The following IGSF9B variants were observed in gnomAD, a reference collection of about 807,000 sequenced individuals.
IGSF9B encodes the protein immunoglobulin superfamily member 9B.
Under a neutral mutation model 143.7 loss-of-function variants are expected in IGSF9B, and 48 were observed. That is an observed-to-expected ratio of 0.33 (90% CI 0.26 to 0.42). IGSF9B has a LOEUF of 0.42. IGSF9B is among the 20% of genes least tolerant of loss of function. The probability of loss-of-function intolerance (pLI) is 1.00; values close to 1 mark genes in which losing one functional copy is unlikely to be tolerated. For synonymous variants in IGSF9B, 903 were observed against 833.1 expected, an observed-to-expected ratio of 1.08 and a Z score of -1.44; for missense variants, 1,706 against 1,980.0, an observed-to-expected ratio of 0.86 and a Z score of 2.63.
At chr11:133,914,137 T>G (rs1371078532) in intron 18 of IGSF9B, among the ~76,000 whole-genome samples, 1 of 152,190 alleles carries the variant, frequency 6.6e-6, no homozygotes, top group Admixed American at 6.5e-5. Flanking sequence ...GATTTACCAC[T>G]TACCACAGCA....
Position 133,939,759 on chromosome 11 carries a change from T to C in IGSF9B, c.410-1798A>G, listed in dbSNP as rs565461896. ...ACCTCGCACGTCCTTGCACGCGTCA[T>C]CGCACACAGAAACACACACCTCGCC... On this transcript the variant is annotated intron_variant, in intron 3 of 19. Transcript: ENST00000533871. Among the ~76,000 whole-genome samples, 8 of 151,882 alleles carry C rather than the reference T, an allele frequency of 5.3e-5. No homozygotes were observed. In the East Asian group the frequency reaches 1.4e-3, roughly 26 times the overall value.
intron 15 of IGSF9B, among the ~76,000 whole-genome samples, chr11:133,922,995 A>G (rs952110099): frequency 6.6e-6 from 1 of 152,240 alleles, no homozygotes; most frequent in Non-Finnish European, 1.5e-5. Flanking sequence ...TGACTTCAAG[A>G]GTAATCTATA....
intron 18 of IGSF9B, 185 bp from the exon 19 acceptor site, chr11:133,912,192 G>A (rs1342540504): frequency 2.9e-5 from 22 of 768,702 alleles, no homozygotes; most frequent in Non-Finnish European, 4.4e-5. Context: ...AGAAAACCCA[G>A]TAGAAAGCTC....
rs1424425944 is a variant in IGSF9B, at chr11:133,931,995, A to C, written c.1110+76T>G. ...GAAGGGGCCAGGAGTCCTGGCAGAA[A>C]TCCAGAGCCCAGAGGTGGCATCACA... On this transcript the variant is annotated intron_variant, in intron 8 of 19. Coordinates refer to ENST00000533871, the MANE Select transcript of IGSF9B (RefSeq NM_001277285.4). The surrounding 1 kb of genome is among the most constrained non-coding windows in gnomAD (Gnocchi z 7.7). The C allele has an allele frequency of 2.4e-5, 37 of 1,543,756 alleles. No individual in the cohort carries two copies. In the East Asian group the frequency reaches 7.9e-4, roughly 33 times the overall value.
chr11:133,949,791 C>T (rs780270317), intron 1 of IGSF9B, among the ~76,000 whole-genome samples: 3 of 151,936 alleles, frequency 2.0e-5, no homozygotes, highest in Non-Finnish European at 4.4e-5. Context: ...TGTGCTGAGC[C>T]CCTCTCCATC....
rs755660002 is a variant in IGSF9B at position 133,937,976 on chromosome 11, A to C, written c.410-15T>G. ...GGTGGGAGGGGCTGCAAAGGAGACC[A>C]CAAAGATGAAGGACACGCCATCAGC... On this transcript the variant is annotated splice_polypyrimidine_tract_variant and intron_variant, in intron 3 of 19. Transcript: ENST00000533871. 4 of 1,612,604 alleles carry C rather than the reference A, an allele frequency of 2.5e-6. No individual in the cohort carries two copies. In the Admixed American group the frequency reaches 5.0e-5, roughly 20 times the overall value.
chr11:133,943,431 G>C (rs1185720781), intron 3 of IGSF9B, among the ~76,000 whole-genome samples: 1 of 152,070 alleles, frequency 6.6e-6, no homozygotes, highest in Non-Finnish European at 1.5e-5. Context: ...ACACAAAGAG[G>C]AGACTCTCCC....
Position 133,936,414 on chromosome 11 carries a change from C to G in IGSF9B, c.680-220G>C, listed in dbSNP as rs559162545. On this transcript the variant is annotated intron_variant, in intron 5 of 19. Coordinates refer to ENST00000533871, the MANE Select transcript of IGSF9B (RefSeq NM_001277285.4). ...CCCAGACCAGCCGCCACGCACACCC[C>G]CTTCCTGCCTGCCTTCTCCCAGCAG... is the stretch of plus-strand genomic sequence containing the variant. Among the ~76,000 whole-genome samples the G allele has an allele frequency of 1.1e-4, 16 of 152,080 alleles. No homozygotes were observed. In the East Asian group the frequency reaches 2.9e-3, roughly 28 times the overall value.
chr11:133,920,009 A>G lies in IGSF9B; in HGVS notation c.3716T>C (p.Leu1239Pro), dbSNP rs747036872. 2 of 1,584,266 alleles carry G rather than the reference A, an allele frequency of 1.3e-6. No individual in the cohort carries two copies. The highest frequency in any genetic ancestry group is 1.4e-5 in the African/African-American group (1 of 73,616). The change falls in exon 18 of 20, where the codon CTG (leucine) becomes CCG (proline). Residue 1239 changes from leucine to proline, a missense_variant. Physicochemically the swap from Leu to Pro is moderately conservative, Grantham distance 98. This residue lies in a region of IGSF9B where 880 missense variants were observed against 762.9 expected (regional missense o/e 1.15). Transcript: ENST00000533871. ...AAAGCTGACTGCAGCCGGCGGCTGCAGGGTGATCTCTGACATCTCTGCCTG... is the reference window on the plus strand; with the variant it reads ...AAAGCTGACTGCAGCCGGCGGCTGCGGGGTGATCTCTGACATCTCTGCCTG... The part of the protein sequence containing the change: ...LQQAEMSEIT[L>P]QPPAAVSFSR...
At chr11:133,917,500 G>A (rs1939410212) in intron 18 of IGSF9B, among the ~76,000 whole-genome samples, 1 of 152,038 alleles carries the variant, frequency 6.6e-6, no homozygotes, top group Non-Finnish European at 1.5e-5. Context: ...TTTCCCTACA[G>A]CATGACCCAG....
At chr11:133,911,222 G>A (rs1939296657) in intron 19 of IGSF9B, among the ~76,000 whole-genome samples, 1 of 152,184 alleles carries the variant, frequency 6.6e-6, no homozygotes, top group African/African-American at 2.4e-5. Flanking sequence ...TCCTTAAGAG[G>A]GCTAAATTCG....
In IGSF9B at chr11:133,902,924, T is replaced by C. The variant is rs975541874; in HGVS notation, c.*6145A>G. Among the ~76,000 whole-genome samples the C allele has an allele frequency of 2.6e-5, 4 of 152,078 alleles. No individual in the cohort carries two copies. Among genetic ancestry groups the C allele is most frequent in the African/African-American group, 9.7e-5 (4 of 41,404 alleles). On this transcript the variant is annotated 3_prime_UTR_variant, in exon 20 of 20. Transcript: ENST00000533871. ...CACCAGCGTGAGGAGGGCTGGGCACTCGCCCCTCCCATGGCTTATATGAAA... is the reference window on the plus strand; with the variant it reads ...CACCAGCGTGAGGAGGGCTGGGCACCCGCCCCTCCCATGGCTTATATGAAA...
chr11:133,926,437 T>C (rs1444246618), intron 13 of IGSF9B, among the ~76,000 whole-genome samples: 2 of 152,296 alleles, frequency 1.3e-5, no homozygotes, highest in East Asian at 1.9e-4. Context: ...GAAAAGCCTG[T>C]TCACAGTGGC....
At chr11:133,922,473 T>G in intron 16 of IGSF9B, 96 bp downstream of exon 16, 1 of 1,258,470 alleles carries the variant, frequency 7.9e-7, no homozygotes, top group South Asian at 1.4e-5. Context: ...ATGTCCCTAT[T>G]TCCAAGGGGG....
rs1939743625 is a variant in IGSF9B, at chr11:133,932,172, G to A, written c.1009C>T (p.Pro337Ser). ...VLNMPPVIYV[P>S]VGIHGYIRCP... is the part of the protein sequence containing the mutation. ...CGGATGTAGCCATGGATCCCCACGG[G>A]CACGTAAATCACAGGGGGCATGTTG... The change falls in exon 8 of 20, where the codon CCC (proline) becomes TCC (serine). Residue 337 changes from proline to serine, a missense_variant. Pro to Ser is a moderately conservative substitution (Grantham distance 74). Coordinates refer to ENST00000533871, the MANE Select transcript of IGSF9B (RefSeq NM_001277285.4). 6.2e-7 allele frequency: 1 copy of A among 1,600,020 alleles called. No individual in the cohort carries two copies. Among genetic ancestry groups the A allele is most frequent in the Non-Finnish European group, 8.5e-7 (1 of 1,173,322 alleles).
rs918656120 is a variant in IGSF9B at position 133,909,360 on chromosome 11, A to G, written c.4106-83T>C. ...CAGCCTGCTCACCTTTTCCACCTGC[A>G]TTTGTTCCGGGTTTCTAATGTTGAA... On this transcript the variant is annotated intron_variant, in intron 19 of 19. Transcript: ENST00000533871. This position sits in a 1 kb window ranked among gnomAD's most constrained non-coding sequence, Gnocchi z 4.2. The G allele has an allele frequency of 7.2e-6, 8 of 1,104,504 alleles. No individual in the cohort carries two copies. The African/African-American group carries it at 1.1e-4, about 15-fold the overall frequency. 68.4% of individuals were successfully genotyped at this position (1,104,504 alleles called of 1,614,324 possible). A position where few individuals can be genotyped will look rare whatever the true frequency, so the allele number is the denominator to read the frequency against.
chr11:133,912,207 A>T, intron 18 of IGSF9B, 200 bp from the exon 19 acceptor site: 1 of 718,020 alleles, frequency 1.4e-6, no homozygotes, highest in Non-Finnish European at 2.5e-6. Context: ...AAGCTCCAGG[A>T]GCATGGCCCA....
chr11:133,953,138 C>T lies in IGSF9B; in HGVS notation c.64+3553G>A, dbSNP rs1940193078. ...AAGGTACAGGAGGTTGGAGTGAGGG[C>T]CAGAGTGATGCTGGGGCTCAGAATC... On this transcript the variant is annotated intron_variant, in intron 1 of 19. Coordinates refer to ENST00000533871, the MANE Select transcript of IGSF9B (RefSeq NM_001277285.4). This position sits in a 1 kb window ranked among gnomAD's most constrained non-coding sequence, Gnocchi z 4.2. Among the ~76,000 whole-genome samples the T allele has an allele frequency of 6.6e-6, 1 of 152,118 alleles. No individual in the cohort carries two copies. Among genetic ancestry groups the T allele is most frequent in the African/African-American group, 2.4e-5 (1 of 41,430 alleles).
In IGSF9B at chr11:133,906,235, A is replaced by C. The variant is rs1479866789; in HGVS notation, c.*2834T>G. On this transcript the variant is annotated 3_prime_UTR_variant, in exon 20 of 20. Coordinates refer to ENST00000533871, the MANE Select transcript of IGSF9B (RefSeq NM_001277285.4). ...ACACCCCCATCACCCACATGCTCAC[A>C]ACCACGCTGTCACACATGCCCACAC... 3.9e-5 allele frequency among the ~76,000 whole-genome samples: 6 copies of C among 152,198 alleles called. No homozygotes were observed. The East Asian group carries it at 1.2e-3, about 29-fold the overall frequency.
Sources: allele counts gnomAD v4.1 joint callset (sites outside exome capture counted in the v4.1 genomes callset), GRCh38; gene constraint gnomAD v4.1.1; regional missense constraint gnomAD v4.1.1; non-coding constraint Gnocchi (gnomAD v3.1); transcripts MANE v1.5; gene names NCBI Gene and HGNC (gene_info 2026-07-23, HGNC 2026-07-21).